ACOXL: variants seen among roughly 807,000 people sequenced by gnomAD.
ACOXL encodes acyl-CoA oxidase like, also known as acyl-coenzyme A oxidase-like protein.
Under a neutral mutation model 71.9 loss-of-function variants are expected in ACOXL, and 70 were observed. The observed-to-expected ratio is 0.97, with a 90% CI of 0.80 to 1.19. The LOEUF is 1.19. Ranked by LOEUF, ACOXL falls within the 50% of genes most tolerant of loss-of-function variation. The probability of loss-of-function intolerance (pLI) is 0.00; values close to 1 mark genes in which losing one functional copy is unlikely to be tolerated. For missense variants in ACOXL, 703 were observed against 736.3 expected, an observed-to-expected ratio of 0.95 and a Z score of 0.52; for synonymous variants, 253 against 281.6, an observed-to-expected ratio of 0.90 and a Z score of 1.02.
rs539608213 is a variant in ACOXL at position 110,981,778 on chromosome 2, G to A, written c.1060-5330G>A. 2.6e-5 allele frequency among the ~76,000 whole-genome samples: 4 copies of A among 152,296 alleles called. No individual in the cohort carries two copies. In the South Asian group the frequency reaches 8.3e-4, roughly 32 times the overall value. ...TCATGTTCTTTACAGGTCCCTCTGA[G>A]AATAGTTGCGTGTGCATAGGCTGAT... On this transcript the variant is annotated intron_variant, in intron 12 of 17. Coordinates refer to ENST00000439055, the MANE Select transcript of ACOXL (RefSeq NM_001142807.4).
chr2:110,987,253 G>T, intron 13 of ACOXL, 36 bp downstream of exon 13: 1 of 1,534,376 alleles, frequency 6.5e-7, no homozygotes, highest in Non-Finnish European at 8.8e-7. Flanking sequence ...TCTGCCTTCA[G>T]TGGGTTATCA....
chr2:110,844,322 A>T (rs1263054603), intron 10 of ACOXL, among the ~76,000 whole-genome samples: 1 of 152,214 alleles, frequency 6.6e-6, no homozygotes, highest in South Asian at 2.1e-4. Context: ...AGGAATTCTG[A>T]TTTTAACATT....
At chr2:110,875,714 C>T (rs1695816996) in intron 10 of ACOXL, among the ~76,000 whole-genome samples, 1 of 152,202 alleles carries the variant, frequency 6.6e-6, no homozygotes, top group Admixed American at 6.5e-5. Context: ...TCTGCCTGAT[C>T]CTGGTGCTGT....
At chr2:110,799,630 T>A (rs113211127) in intron 7 of ACOXL, among the ~76,000 whole-genome samples, 1 of 152,082 alleles carries the variant, frequency 6.6e-6, no homozygotes, top group Admixed American at 6.5e-5. Flanking sequence ...CTTCTAAGAG[T>A]GGTGATGAGA....
chr2:110,847,384 C>T (rs1422873016), intron 10 of ACOXL, among the ~76,000 whole-genome samples: 4 of 152,112 alleles, frequency 2.6e-5, no homozygotes, highest in Non-Finnish European at 5.9e-5. Flanking sequence ...TGAACTAATG[C>T]GTGGAATCTG....
chr2:110,931,462 G>A (rs975495915), intron 11 of ACOXL, among the ~76,000 whole-genome samples: 7 of 152,052 alleles, frequency 4.6e-5, no homozygotes, highest in South Asian at 2.1e-4. Context: ...GTCACAGCCC[G>A]GAGCATGGGT....
At chr2:111,068,644 G>A (rs181593702) in intron 16 of ACOXL, among the ~76,000 whole-genome samples, 1 of 152,224 alleles carries the variant, frequency 6.6e-6, no homozygotes, top group African/African-American at 2.4e-5. Context: ...GATGGGCTAT[G>A]CTCAACAGGT....
rs148256951 is a variant in ACOXL at position 111,053,203 on chromosome 2, G to A, written c.1440+3915G>A. On this transcript the variant is annotated intron_variant, in intron 16 of 17. Coordinates refer to ENST00000439055, the MANE Select transcript of ACOXL (RefSeq NM_001142807.4). Reference sequence around the variant, plus strand: ...CAAGGCTGCAATTCTAAATATGCTTGAGAATGAACCAACCTGGCCTTCTAC... The same window carrying A: ...CAAGGCTGCAATTCTAAATATGCTTAAGAATGAACCAACCTGGCCTTCTAC... Among the ~76,000 whole-genome samples, 204 of 152,310 alleles carry A rather than the reference G, an allele frequency of 1.3e-3. 1 individual carries two copies. Among genetic ancestry groups the A allele is most frequent in the African/African-American group, 4.6e-3 (192 of 41,560 alleles).
intron 5 of ACOXL, chr2:110,795,656 G>A (rs1354608495): frequency 6.6e-6 from 1 of 152,232 alleles, no homozygotes; most frequent in Non-Finnish European, 1.5e-5. Context: ...TAATGAGTGA[G>A]TTAGGTTCGG....
At position 111,109,671 on chromosome 2, in the gene ACOXL, A is replaced by ATTTTTTT. The variant is rs869081161; in HGVS notation, c.1543-7926_1543-7920dup. Among the ~76,000 whole-genome samples, 154 of 75,666 alleles carry ATTTTTTT rather than the reference A, an allele frequency of 2.0e-3. 13 individuals are homozygous for ATTTTTTT. Among genetic ancestry groups the ATTTTTTT allele is most frequent in the African/African-American group, 4.0e-3 (73 of 18,378 alleles). 49.6% of individuals were successfully genotyped at this position (75,666 alleles called of 152,430 possible). A position where few individuals can be genotyped will look rare whatever the true frequency, so the allele number is the denominator to read the frequency against. ...CTATTATATCCATTTTTCTCCTTCT[A>ATTTTTTT]TTTTTTTTTTTTTTTTTTTTTTTTT... On this transcript the variant is annotated intron_variant, in intron 17 of 17. Coordinates refer to ENST00000439055, the MANE Select transcript of ACOXL (RefSeq NM_001142807.4).
intron 12 of ACOXL, among the ~76,000 whole-genome samples, chr2:110,983,163 G>A (rs1050806933): frequency 2.0e-5 from 3 of 152,196 alleles, no homozygotes; most frequent in Admixed American, 6.5e-5. Flanking sequence ...TTGGCTCTAA[G>A]TGTTTCTGCT....
intron 1 of ACOXL, among the ~76,000 whole-genome samples, chr2:110,740,203 G>C (rs1559203076): frequency 6.6e-6 from 1 of 152,222 alleles, no homozygotes; most frequent in Non-Finnish European, 1.5e-5. Context: ...TGGGACAGAG[G>C]TATCTGCATG....
intron 13 of ACOXL, among the ~76,000 whole-genome samples, chr2:110,995,513 A>AAAAAAAAAG (rs2063353443): frequency 6.6e-6 from 1 of 150,612 alleles, no homozygotes; most frequent in Non-Finnish European, 1.5e-5. Context: ...AAAAAAAAAA[A>AAAAAAAAAG]AAAAAGAATT....
At chr2:111,031,555 G>T in intron 14 of ACOXL, 72 bp from the exon 15 acceptor site, 2 of 1,397,644 alleles carry the variant, frequency 1.4e-6, no homozygotes, top group Non-Finnish European at 2.0e-6. Flanking sequence ...GATGTTTGCC[G>T]TCTGTCTTGC....
chr2:110,955,623 C>T (rs573056835), intron 12 of ACOXL, among the ~76,000 whole-genome samples: 4 of 152,238 alleles, frequency 2.6e-5, no homozygotes, highest in South Asian at 2.1e-4. Context: ...TGACTTGACC[C>T]CTGTCTGCCC....
intron 12 of ACOXL, among the ~76,000 whole-genome samples, chr2:110,948,220 C>T (rs2061186175): frequency 6.6e-6 from 1 of 152,238 alleles, no homozygotes; most frequent in South Asian, 2.1e-4. Flanking sequence ...ACTGATCCCT[C>T]CTTTCACGTT....
At chr2:110,873,041 AT>A (rs1414640088) in intron 10 of ACOXL, among the ~76,000 whole-genome samples, 1 of 152,222 alleles carries the variant, frequency 6.6e-6, no homozygotes, top group Non-Finnish European at 1.5e-5. Context: ...CATAAAACAA[AT>A]GTTTTATGAG....
rs572696347 is a variant in ACOXL, at chr2:111,096,175, C to A, written c.1542+3209C>A. Reference sequence around the variant, plus strand: ...TCAGATGCATCTAACATTCTGGTTACCCCATCCTCCCAGTTTTTAATTCCA... The same window carrying A: ...TCAGATGCATCTAACATTCTGGTTAACCCATCCTCCCAGTTTTTAATTCCA... On this transcript the variant is annotated intron_variant, in intron 17 of 17. Coordinates refer to ENST00000439055, the MANE Select transcript of ACOXL (RefSeq NM_001142807.4). Among the ~76,000 whole-genome samples the A allele has an allele frequency of 1.2e-4, 18 of 152,042 alleles. No individual in the cohort carries two copies. The East Asian group carries it at 3.3e-3, about 28-fold the overall frequency.
At chr2:110,948,146 G>A (rs1483212667) in intron 12 of ACOXL, among the ~76,000 whole-genome samples, 1 of 152,202 alleles carries the variant, frequency 6.6e-6, no homozygotes, top group African/African-American at 2.4e-5. Flanking sequence ...CAAAATTGGA[G>A]CGCAGTGAAG....
Sources: allele counts gnomAD v4.1 joint callset (sites outside exome capture counted in the v4.1 genomes callset), GRCh38; gene constraint gnomAD v4.1.1; transcripts MANE v1.5; gene names NCBI Gene and HGNC (gene_info 2026-07-23, HGNC 2026-07-21).